The following CYP19A1 variants were observed in gnomAD, a reference collection of about 807,000 sequenced individuals.
CYP19A1 encodes cytochrome P450 family 19 subfamily A member 1.
CYP19A1 carries 32 observed loss-of-function variants against 44.4 expected under a neutral mutation model. The ratio of observed to expected loss-of-function variants is 0.72; its 90% CI spans 0.54 to 0.97. CYP19A1 has a LOEUF of 0.97. Among genes scored for constraint, CYP19A1 ranks in the 50% least tolerant of loss-of-function variants. CYP19A1 has a pLI of 0.00. For missense variants in CYP19A1, 598 were observed against 637.8 expected (o/e 0.94, Z 0.67); for synonymous variants, 212 against 215.6 (o/e 0.98, Z 0.14).
chr15:51,217,592 T>G (rs1212253721), intron 6 of CYP19A1, among the ~76,000 whole-genome samples: 1 of 152,146 alleles, frequency 6.6e-6, no homozygotes, highest in Non-Finnish European at 1.5e-5. Context: ...ACAGGTAGAA[T>G]AAAGTCAGGT....
intron 1 of CYP19A1, among the ~76,000 whole-genome samples, chr15:51,250,198 A>T (rs1338132668): frequency 2.0e-5 from 3 of 152,316 alleles, no homozygotes; most frequent in East Asian, 3.9e-4. Flanking sequence ...TATGAAAGGT[A>T]CCTGCTGCTA....
chr15:51,220,867 T>C (rs1055406019), intron 5 of CYP19A1, among the ~76,000 whole-genome samples: 1 of 152,122 alleles, frequency 6.6e-6, no homozygotes, highest in Admixed American at 6.5e-5. Context: ...ATTAATCAAC[T>C]TCTCTTCATC....
intron 1 of CYP19A1, among the ~76,000 whole-genome samples, chr15:51,303,613 G>C (rs1370451293): frequency 6.6e-6 from 1 of 151,930 alleles, no homozygotes; most frequent in Non-Finnish European, 1.5e-5. Context: ...TGAGGCATCT[G>C]CCTTCTTAGT....
At chr15:51,297,364 C>T (rs1336120405) in intron 1 of CYP19A1, among the ~76,000 whole-genome samples, 1 of 152,200 alleles carries the variant, frequency 6.6e-6, no homozygotes, top group Non-Finnish European at 1.5e-5. Context: ...ACGATAGCTG[C>T]TTTTGCCCAG....
chr15:51,294,347 C>A (rs1202057159), intron 1 of CYP19A1, among the ~76,000 whole-genome samples: 9 of 147,026 alleles, frequency 6.1e-5, no homozygotes, highest in Admixed American at 6.1e-4. Context: ...ATGTGAGGAG[C>A]GCCTCTGCCC....
chr15:51,275,555 A>AT (rs1175932013), intron 1 of CYP19A1, among the ~76,000 whole-genome samples: 1 of 152,212 alleles, frequency 6.6e-6, no homozygotes, highest in Non-Finnish European at 1.5e-5. Context: ...AAACTGCTGG[A>AT]TCTGGCTTAG....
intron 1 of CYP19A1, among the ~76,000 whole-genome samples, chr15:51,308,478 G>A (rs753311327): frequency 1.3e-5 from 2 of 152,080 alleles, no homozygotes; most frequent in Admixed American, 6.5e-5. Flanking sequence ...ATCCCAGGGA[G>A]GTATAGGTCT....
intron 1 of CYP19A1, among the ~76,000 whole-genome samples, chr15:51,316,947 T>G (rs2036437245): frequency 6.6e-6 from 1 of 152,068 alleles, no homozygotes; most frequent in Non-Finnish European, 1.5e-5. Context: ...ATAAGATGTC[T>G]GAAACCCAGG....
Position 51,209,776 on chromosome 15 carries a change from T to C in CYP19A1, c.*1032A>G, listed in dbSNP as rs561231361. The C allele has an allele frequency of 6.5e-6, 1 of 153,482 alleles. No homozygotes were observed. The highest frequency in any genetic ancestry group is 6.5e-5 in the Admixed American group (1 of 15,342). 9.5% of individuals were successfully genotyped at this position (153,482 alleles called of 1,614,324 possible). A position where few individuals can be genotyped will look rare whatever the true frequency, so the allele number is the denominator to read the frequency against. On this transcript the variant is annotated 3_prime_UTR_variant, in exon 10 of 10. Coordinates refer to ENST00000396402, the MANE Select transcript of CYP19A1 (RefSeq NM_000103.4). ...TCTGTTGCCCTTGGCTTTGGGGTCA[T>C]GGGAAGAAAGAGGGAGAAAATGTCG... is the stretch of plus-strand genomic sequence containing the variant.
intron 1 of CYP19A1, among the ~76,000 whole-genome samples, chr15:51,278,425 G>T (rs1206367274): frequency 6.6e-6 from 1 of 152,074 alleles, no homozygotes; most frequent in Admixed American, 6.5e-5. Context: ...TGAAACTTTG[G>T]CTCCTCGTAG....
At chr15:51,268,835 C>T (rs781451836) in intron 1 of CYP19A1, among the ~76,000 whole-genome samples, 1 of 152,128 alleles carries the variant, frequency 6.6e-6, no homozygotes, top group Non-Finnish European at 1.5e-5. Context: ...TTCAAATGAA[C>T]TTACTGGCCA....
At chr15:51,311,573 CT>C (rs975384102) in intron 1 of CYP19A1, among the ~76,000 whole-genome samples, 2 of 152,152 alleles carry the variant, frequency 1.3e-5, no homozygotes, top group African/African-American at 4.8e-5. Flanking sequence ...AAAACAATGG[CT>C]GAAAACTTCC....
intron 5 of CYP19A1, 166 bp downstream of exon 5, chr15:51,222,183 A>G: frequency 7.8e-7 from 1 of 1,274,048 alleles, no homozygotes; most frequent in Middle Eastern, 2.5e-4. Context: ...ATATTTTATA[A>G]GTGAACAAAG....
At chr15:51,315,850 T>G (rs529532164) in intron 1 of CYP19A1, 1 of 152,260 alleles carries the variant, frequency 6.6e-6, no homozygotes, top group Non-Finnish European at 1.5e-5. Flanking sequence ...GATGGAAACT[T>G]GAACTACGTG....
intron 1 of CYP19A1, among the ~76,000 whole-genome samples, chr15:51,327,632 T>C (rs1293178859): frequency 6.6e-6 from 1 of 152,142 alleles, no homozygotes; most frequent in Admixed American, 6.5e-5. Flanking sequence ...CACAGGTCCC[T>C]TGGGGCCAGG....
chr15:51,286,558 C>T (rs1449299702), intron 1 of CYP19A1, among the ~76,000 whole-genome samples: 4 of 152,154 alleles, frequency 2.6e-5, no homozygotes, highest in African/African-American at 9.7e-5. Context: ...TGTGCCCTGA[C>T]TACCAAGCAT....
chr15:51,307,804 C>T (rs927152336), intron 1 of CYP19A1, among the ~76,000 whole-genome samples: 2 of 152,178 alleles, frequency 1.3e-5, no homozygotes, highest in Admixed American at 1.3e-4. Flanking sequence ...AACCACTTGA[C>T]ATTGTTCTTT....
chr15:51,285,087 G>A (rs919028979), intron 1 of CYP19A1, among the ~76,000 whole-genome samples: 1 of 152,214 alleles, frequency 6.6e-6, no homozygotes, highest in African/African-American at 2.4e-5. Context: ...AACCGCACAG[G>A]AAGCTGAGAA....
intron 1 of CYP19A1, among the ~76,000 whole-genome samples, chr15:51,329,030 C>T (rs945791586): frequency 6.6e-6 from 1 of 152,152 alleles, no homozygotes; most frequent in East Asian, 1.9e-4. Flanking sequence ...TGCCAACTTA[C>T]CCTGCAGACT....
Sources: gnomAD v4.1 joint callset for allele counts (sites outside exome capture counted in the v4.1 genomes callset) on GRCh38, gnomAD v4.1.1 for gene constraint, MANE v1.5 for transcripts, NCBI Gene and HGNC (gene_info 2026-07-23, HGNC 2026-07-21) for gene names.